The following NRAP variants were observed in gnomAD, a reference collection of about 807,000 sequenced individuals.
NRAP encodes nebulin-related-anchoring protein.
NRAP carries 189 observed loss-of-function variants against 225.9 expected under a neutral mutation model. That is an observed-to-expected ratio of 0.84 (90% confidence interval 0.74 to 0.94). The LOEUF is 0.94. Ranked by LOEUF, NRAP falls within the 40% of genes least tolerant of loss-of-function variation. The pLI is 0.00. For synonymous variants in NRAP, 769 were observed against 790.7 expected (o/e 0.97, Z 0.46); for missense variants, 2,176 against 2,168.7 (o/e 1.00, Z -0.07).
intron 7 of NRAP, 42 bp downstream of exon 7, chr10:113,651,761 C>T: frequency 1.7e-6 from 2 of 1,190,626 alleles, no homozygotes; most frequent in Non-Finnish European, 1.3e-6. Flanking sequence ...GGAATCAACC[C>T]AAATGCCCAT....
chr10:113,597,892 T>C, intron 36 of NRAP, 77 bp downstream of exon 36: 3 of 1,087,982 alleles, frequency 2.8e-6, no homozygotes, highest in Non-Finnish European at 4.3e-6. Context: ...GGTTCTCCAC[T>C]CCATAAACAG....
intron 32 of NRAP, among the ~76,000 whole-genome samples, chr10:113,607,434 A>T (rs1311036173): frequency 2.9e-5 from 4 of 139,038 alleles, no homozygotes; most frequent in African/African-American, 1.1e-4. Flanking sequence ...AAAAAAAAAA[A>T]AAGAAAAGAA....
intron 37 of NRAP, 129 bp from the exon 38 acceptor site, chr10:113,595,856 C>A: frequency 1.8e-6 from 1 of 560,576 alleles, no homozygotes; most frequent in Admixed American, 3.2e-5. Context: ...CCCAGTCCTG[C>A]CCATGGACAG....
intron 37 of NRAP, 90 bp downstream of exon 37, chr10:113,596,996 C>G: frequency 2.4e-6 from 2 of 830,930 alleles, no homozygotes; most frequent in Non-Finnish European, 4.1e-6. Context: ...TTTGCACCCC[C>G]ATCTGTCCAG....
chr10:113,614,587 C>T (rs369151747), intron 28 of NRAP, among the ~76,000 whole-genome samples: 15 of 152,128 alleles, frequency 9.9e-5, no homozygotes, highest in African/African-American at 1.4e-4. Context: ...ATGAACACCT[C>T]GGTGGAGGGT....
At chr10:113,611,243 G>T (rs1233788479) in intron 30 of NRAP, among the ~76,000 whole-genome samples, 1 of 151,964 alleles carries the variant, frequency 6.6e-6, no homozygotes, top group Non-Finnish European at 1.5e-5. Context: ...CGTTCCTACA[G>T]CTGCTCTCAG....
chr10:113,636,066 A>T (rs1848853176), intron 14 of NRAP, among the ~76,000 whole-genome samples: 1 of 152,244 alleles, frequency 6.6e-6, no homozygotes, highest in Non-Finnish European at 1.5e-5. Flanking sequence ...AAGCGACAGG[A>T]TCACCACTGA....
chr10:113,607,864 T>C (rs1234262156), intron 32 of NRAP, among the ~76,000 whole-genome samples: 1 of 152,232 alleles, frequency 6.6e-6, no homozygotes, highest in East Asian at 1.9e-4. Context: ...TTCCTTCCCT[T>C]GCACCTGCCC....
chr10:113,622,747 C>T (rs1592788001), intron 23 of NRAP, among the ~76,000 whole-genome samples: 1 of 152,168 alleles, frequency 6.6e-6, no homozygotes. Flanking sequence ...CACCACTTAT[C>T]GAACACTTGG....
chr10:113,663,582 C>T, intron 1 of NRAP, 136 bp from the exon 2 acceptor site: 2 of 658,862 alleles, frequency 3.0e-6, no homozygotes, highest in East Asian at 5.4e-5. Flanking sequence ...ACACACACAG[C>T]TATAACAACA....
In NRAP at chr10:113,651,910, G is replaced by A. The variant is rs372527112; in HGVS notation, c.571-3C>T. Reference sequence around the variant, plus strand: ...TCATGCCCTCTCTTATACTCCACCTGATGAGAAGACAGTAGAGTCAAGGGT... The same window carrying A: ...TCATGCCCTCTCTTATACTCCACCTAATGAGAAGACAGTAGAGTCAAGGGT... On this transcript the variant is annotated splice_polypyrimidine_tract_variant and splice_region_variant and intron_variant, in intron 6 of 41. Coordinates refer to ENST00000359988, the MANE Select transcript of NRAP (RefSeq NM_198060.4). 119 of 1,593,104 alleles carry A rather than the reference G, an allele frequency of 7.5e-5. No homozygotes were observed. In the African/African-American group the frequency reaches 1.5e-3, roughly 20 times the overall value.
chr10:113,643,446 G>T (rs1439746984), intron 11 of NRAP, among the ~76,000 whole-genome samples: 1 of 152,180 alleles, frequency 6.6e-6, no homozygotes, highest in African/African-American at 2.4e-5. Context: ...TAGTCACACA[G>T]GTGTGTCCCA....
At chr10:113,635,538 G>A (rs758952084) in intron 14 of NRAP, among the ~76,000 whole-genome samples, 14 of 152,228 alleles carry the variant, frequency 9.2e-5, no homozygotes, top group East Asian at 3.9e-4. Flanking sequence ...GGTGATTCTC[G>A]CGCCTCAGCC....
chr10:113,661,194 T>G (rs1039875441), intron 3 of NRAP, among the ~76,000 whole-genome samples: 1 of 152,170 alleles, frequency 6.6e-6, no homozygotes, highest in Non-Finnish European at 1.5e-5. Flanking sequence ...GAGCAACAAT[T>G]TGAGCCTCTG....
Position 113,614,869 on chromosome 10 carries a change from T to C in NRAP, c.3156A>G (p.Ala1052=). The change falls in exon 28 of 42, where the codon GCA becomes GCG. Residue 1052 remains alanine, a synonymous_variant. Transcript: ENST00000359988. The stretch of plus-strand genomic sequence containing the variant: ...TTATGATTTCACCAGAAGCCTTTGC[T>C]GCTTGGAATGGAAGGGCATCCAACC... The part of the protein sequence containing the change: ...KLRLDALPFQ[A]AKASGEIISD... The C allele has an allele frequency of 6.2e-7, 1 of 1,611,674 alleles. No individual in the cohort carries two copies. Among genetic ancestry groups the C allele is most frequent in the Non-Finnish European group, 8.5e-7 (1 of 1,177,720 alleles).
Position 113,626,029 on chromosome 10 carries a change from G to GGGCA in NRAP, c.2244+14_2244+17dup. On this transcript the variant is annotated intron_variant, in intron 21 of 41. Coordinates refer to ENST00000359988, the MANE Select transcript of NRAP (RefSeq NM_198060.4). ...ATGACACAGCAGCTTGGTGGAGAAA[G>GGGCA]GGCAGCCCAGGACTCACCCCGCTCT... The GGGCA allele has an allele frequency of 6.4e-7, 1 of 1,571,612 alleles. No homozygotes were observed. Among genetic ancestry groups the GGGCA allele is most frequent in the Non-Finnish European group, 8.7e-7 (1 of 1,155,198 alleles).
chr10:113,629,840 G>T, intron 18 of NRAP, 55 bp from the exon 19 acceptor site: 1 of 1,233,182 alleles, frequency 8.1e-7, no homozygotes, highest in Non-Finnish European at 1.2e-6. Flanking sequence ...CCCTTTGCAG[G>T]AGTGATGTGA....
At position 113,663,895 on chromosome 10, in the gene NRAP, A is replaced by G. The variant is rs192176629; in HGVS notation, c.-13T>C. The G allele has an allele frequency of 3.1e-6, 5 of 1,609,426 alleles. No individual in the cohort carries two copies. The East Asian group carries it at 8.9e-5, about 29-fold the overall frequency. On this transcript the variant is annotated 5_prime_UTR_variant, in exon 1 of 42. Transcript: ENST00000359988. ...GCTGCACATTCATCTCGAAGCCGGA[A>G]GAGAGAGGACAAAGATAGGCAACAG...
intron 16 of NRAP, among the ~76,000 whole-genome samples, chr10:113,632,392 C>T (rs1848627469): frequency 6.6e-6 from 1 of 152,236 alleles, no homozygotes; most frequent in South Asian, 2.1e-4. Flanking sequence ...CTGGCAATAA[C>T]TACTGTTTAT....
Sources: gnomAD v4.1 joint callset for allele counts (sites outside exome capture counted in the v4.1 genomes callset) on GRCh38, gnomAD v4.1.1 for gene constraint, MANE v1.5 for transcripts, NCBI Gene and HGNC (gene_info 2026-07-23, HGNC 2026-07-21) for gene names.